ALOX5AP: variants seen among roughly 807,000 people sequenced by gnomAD.
ALOX5AP encodes the protein arachidonate 5-lipoxygenase-activating protein.
ALOX5AP carries 9 observed loss-of-function variants against 18.5 expected under a neutral mutation model. That is an observed-to-expected ratio of 0.49 (90% CI 0.29 to 0.85). The LOEUF (loss-of-function observed/expected upper bound fraction) is 0.85. ALOX5AP is among the 40% of genes least tolerant of loss of function. ALOX5AP has a pLI of 0.08. For missense variants in ALOX5AP, 172 were observed against 202.5 expected (o/e 0.85, Z 0.91); for synonymous variants, 81 against 78.6 (o/e 1.03, Z -0.16).
chr13:30,715,753 A>G (rs577451583), intron 1 of ALOX5AP, among the ~76,000 whole-genome samples: 114 of 152,252 alleles, frequency 7.5e-4, no homozygotes, highest in African/African-American at 2.7e-3. Flanking sequence ...TCCTTTCATA[A>G]CACATGATCA....
At chr13:30,718,382 CAT>C (rs59562797) in intron 1 of ALOX5AP, among the ~76,000 whole-genome samples, 9,682 of 139,642 alleles carry the variant, frequency 0.069, 377 homozygotes, top group South Asian at 0.14. Flanking sequence ...CACAGATATG[CAT>C]ATATATATAT....
chr13:30,721,117 G>C (rs1029314165), intron 1 of ALOX5AP, among the ~76,000 whole-genome samples: 1 of 152,190 alleles, frequency 6.6e-6, no homozygotes, highest in African/African-American at 2.4e-5. Flanking sequence ...CCCACCCCAC[G>C]CTTCTTCTCT....
Position 30,761,463 on chromosome 13 carries a change from T to C in ALOX5AP, c.324-2481T>C, listed in dbSNP as rs537893420. Among the ~76,000 whole-genome samples, 9 of 152,350 alleles carry C rather than the reference T, an allele frequency of 5.9e-5. No individual in the cohort carries two copies. In the East Asian group the frequency reaches 1.7e-3, roughly 29 times the overall value. ...ATCTGAGCCACCACGATATTTGACT[T>C]TTCACAATTTAATTTATCTGAACCC... is the stretch of plus-strand genomic sequence containing the variant. On this transcript the variant is annotated intron_variant, in intron 4 of 4. Coordinates refer to ENST00000380490, the MANE Select transcript of ALOX5AP (RefSeq NM_001629.4).
rs1951714189 is a variant in ALOX5AP at position 30,735,592 on chromosome 13, A to G, written c.-14A>G. On this transcript the variant is annotated 5_prime_UTR_variant, in exon 1 of 5. Transcript: ENST00000380490. ...GGAGGCAGAGCAGTCCTCTCTGGGG[A>G]GCCTGAAGCAAACATGGATCAAGAA... 2 of 1,613,882 alleles carry G rather than the reference A, an allele frequency of 1.2e-6. No individual in the cohort carries two copies. The highest frequency in any genetic ancestry group is 1.7e-6 in the Non-Finnish European group (2 of 1,180,020).
chr13:30,726,666 A>C (rs1356807519), intron 1 of ALOX5AP, among the ~76,000 whole-genome samples: 1 of 152,160 alleles, frequency 6.6e-6, no homozygotes, highest in East Asian at 1.9e-4. Context: ...TCTTGATATA[A>C]ATGTATTTGT....
intron 1 of ALOX5AP, among the ~76,000 whole-genome samples, chr13:30,729,865 C>A (rs570938314): frequency 6.6e-6 from 1 of 152,218 alleles, no homozygotes. Flanking sequence ...CATGAGCCAC[C>A]GTGCCCGGCC....
chr13:30,723,023 T>C lies in ALOX5AP; in HGVS notation c.116+9182T>C, dbSNP rs548191267. Among the ~76,000 whole-genome samples the C allele has an allele frequency of 2.5e-3, 374 of 152,332 alleles. 3 individuals carry two copies. Among genetic ancestry groups the C allele is most frequent in the Non-Finnish European group, 4.4e-3 (299 of 68,028 alleles). On this transcript the variant is annotated intron_variant, in intron 1 of 5. Coordinates refer to the ALOX5AP transcript ENST00000617770. ...TTCTTTTCTTTATAATTATCCAGTC[T>C]CAGGTATTCCTTTATAGCAACACAA...
intron 2 of ALOX5AP, 148 bp from the exon 3 acceptor site, chr13:30,751,904 T>G (rs1439902045): frequency 1.1e-5 from 8 of 743,930 alleles, no homozygotes; most frequent in Admixed American, 2.5e-5. Context: ...CTGCCCCATC[T>G]TATTGGGTAG....
upstream of ALOX5AP, among the ~76,000 whole-genome samples, chr13:30,732,245 G>A (rs368605221): frequency 1.3e-4 from 19 of 143,864 alleles, no homozygotes; most frequent in East Asian, 3.1e-3. Flanking sequence ...CATGTGTGGG[G>A]CCCCAGAAGG....
At chr13:30,735,825 T>A in intron 1 of ALOX5AP, 150 bp downstream of exon 1, 1 of 1,011,096 alleles carries the variant, frequency 9.9e-7, no homozygotes, top group Non-Finnish European at 1.4e-6. Flanking sequence ...TTTGAATGTA[T>A]AGGGTTGTGT....
intron 1 of ALOX5AP, among the ~76,000 whole-genome samples, chr13:30,717,632 G>A (rs1006557151): frequency 6.6e-6 from 1 of 152,248 alleles, no homozygotes; most frequent in African/African-American, 2.4e-5. Context: ...CAGATAAAGA[G>A]ATGCATAGGG....
chr13:30,744,648 A>T (rs1169328742), intron 2 of ALOX5AP, among the ~76,000 whole-genome samples: 1 of 152,220 alleles, frequency 6.6e-6, no homozygotes, highest in Non-Finnish European at 1.5e-5. Context: ...AACTAGAACA[A>T]GAACAGAAAG....
At chr13:30,727,080 G>A (rs897609630) in intron 1 of ALOX5AP, among the ~76,000 whole-genome samples, 1 of 148,236 alleles carries the variant, frequency 6.7e-6, no homozygotes, top group African/African-American at 2.5e-5. Context: ...TTTTTCCAAG[G>A]TCTCACTCTG....
upstream of ALOX5AP, chr13:30,735,382 C>A: frequency 1.1e-6 from 1 of 942,252 alleles, no homozygotes; most frequent in Non-Finnish European, 1.5e-6. Flanking sequence ...CCAAGCCCTG[C>A]TTCTCCTGGT....
upstream of ALOX5AP, among the ~76,000 whole-genome samples, chr13:30,733,814 C>G (rs1420903867): frequency 2.0e-5 from 3 of 151,296 alleles, no homozygotes; most frequent in Non-Finnish European, 4.4e-5. Flanking sequence ...CTTCTCCTGC[C>G]CTTGGACACT....
intron 3 of ALOX5AP, among the ~76,000 whole-genome samples, chr13:30,754,918 C>T (rs955908065): frequency 2.0e-4 from 31 of 152,232 alleles, no homozygotes; most frequent in African/African-American, 5.1e-4. Context: ...GTTCCCAAAA[C>T]GCCAGGAGCA....
intron 2 of ALOX5AP, among the ~76,000 whole-genome samples, chr13:30,746,753 T>C (rs918501804): frequency 5.3e-5 from 8 of 152,246 alleles, no homozygotes; most frequent in Admixed American, 3.3e-4. Context: ...AAGTAAGACA[T>C]GAAGCTTTCC....
At chr13:30,720,005 G>A (rs2137786734) in intron 1 of ALOX5AP, among the ~76,000 whole-genome samples, 1 of 152,224 alleles carries the variant, frequency 6.6e-6, no homozygotes, top group South Asian at 2.1e-4. Context: ...GGGACTACAG[G>A]CACATGCCAC....
chr13:30,743,422 C>T (rs954053285), intron 1 of ALOX5AP, among the ~76,000 whole-genome samples: 4 of 152,040 alleles, frequency 2.6e-5, no homozygotes, highest in African/African-American at 9.7e-5. Context: ...TGGCATGTGG[C>T]AAATGGTCAT....
Sources: gnomAD v4.1 joint callset for allele counts (sites outside exome capture counted in the v4.1 genomes callset) on GRCh38, gnomAD v4.1.1 for gene constraint, MANE v1.5 for transcripts, NCBI Gene and HGNC (gene_info 2026-07-23, HGNC 2026-07-21) for gene names.